Variants in MGMT observed in about 807,000 individuals in gnomAD.
The protein encoded by MGMT is O-6-methylguanine-DNA methyltransferase, also known as methylated-DNA--protein-cysteine methyltransferase.
Under a neutral mutation model 15.9 loss-of-function variants are expected in MGMT, and 14 were observed. That is an observed-to-expected ratio of 0.88 (90% CI 0.58 to 1.37). MGMT has a LOEUF of 1.37. Among genes scored for constraint, MGMT ranks in the 40% most tolerant of loss-of-function variants. The pLI, the probability that MGMT is intolerant of heterozygous loss-of-function variation, is 0.00. For missense variants in MGMT, 282 were observed against 268.1 expected (o/e 1.05, Z -0.36); for synonymous variants, 130 against 118.2 (o/e 1.10, Z -0.65).
chr10:129,609,930 G>A (rs2133067663), intron 2 of MGMT, among the ~76,000 whole-genome samples: 1 of 152,258 alleles, frequency 6.6e-6, no homozygotes, highest in East Asian at 1.9e-4. Context: ...GGGTGGAAGT[G>A]CAGAAGCATC....
In MGMT at chr10:129,546,836, C is replaced by T. The variant is rs181593042; in HGVS notation, c.125+10459C>T. Among the ~76,000 whole-genome samples, 26 of 152,296 alleles carry T rather than the reference C, an allele frequency of 1.7e-4. No homozygotes were observed. In the East Asian group the frequency reaches 2.7e-3, roughly 16 times the overall value. On this transcript the variant is annotated intron_variant, in intron 2 of 4. Coordinates refer to ENST00000651593, the MANE Select transcript of MGMT (RefSeq NM_002412.5). ...ATGCTGTGTTTGATTAGTTTGACTTCGGGATGCCAGCTAAATGCTGTTTGC... is the reference window on the plus strand; with the variant it reads ...ATGCTGTGTTTGATTAGTTTGACTTTGGGATGCCAGCTAAATGCTGTTTGC...
intron 1 of MGMT, among the ~76,000 whole-genome samples, chr10:129,485,067 T>G (rs1307101391): frequency 3.9e-5 from 6 of 152,158 alleles, no homozygotes; most frequent in Non-Finnish European, 4.4e-5. Flanking sequence ...CTTTCCACAC[T>G]GGCTGGTGAG....
chr10:129,641,326 T>C (rs1847326021), intron 2 of MGMT, among the ~76,000 whole-genome samples: 1 of 152,214 alleles, frequency 6.6e-6, no homozygotes, highest in Admixed American at 6.5e-5. Context: ...AATGGAGAGA[T>C]ATACTGTGTT....
chr10:129,619,491 G>A (rs950500273), intron 2 of MGMT, among the ~76,000 whole-genome samples: 4 of 152,102 alleles, frequency 2.6e-5, no homozygotes, highest in Non-Finnish European at 5.9e-5. Flanking sequence ...CTTTATTATC[G>A]GGGTAATGCT....
At chr10:129,650,371 A>G (rs1324914495) in intron 2 of MGMT, among the ~76,000 whole-genome samples, 1 of 152,194 alleles carries the variant, frequency 6.6e-6, no homozygotes, top group Non-Finnish European at 1.5e-5. Context: ...GGACGCGAGC[A>G]CATGTGCAGG....
rs1371044059 is a variant in MGMT at position 129,566,599 on chromosome 10, G to A, written c.125+30222G>A. Among the ~76,000 whole-genome samples, 8 of 152,070 alleles carry A rather than the reference G, an allele frequency of 5.3e-5. No homozygotes were observed. The highest frequency in any genetic ancestry group is 1.2e-4 in the African/African-American group (5 of 41,404). On this transcript the variant is annotated intron_variant, in intron 2 of 4. Coordinates refer to ENST00000651593, the MANE Select transcript of MGMT (RefSeq NM_002412.5). This position sits in a 1 kb window ranked among gnomAD's most constrained non-coding sequence, Gnocchi z 4.1. ...TGCACTGAGGACCACAGCAGCCCTC[G>A]CATTCCTACACATACCCCTTTGCCC...
At chr10:129,764,737 C>T (rs1046975259) in intron 4 of MGMT, among the ~76,000 whole-genome samples, 1 of 152,206 alleles carries the variant, frequency 6.6e-6, no homozygotes, top group African/African-American at 2.4e-5. Context: ...GAGTGATACC[C>T]GGAGGTAGCC....
intron 2 of MGMT, among the ~76,000 whole-genome samples, chr10:129,569,463 C>T (rs1049444288): frequency 1.3e-5 from 2 of 152,216 alleles, no homozygotes; most frequent in Non-Finnish European, 2.9e-5. Flanking sequence ...AGAGACTGGT[C>T]TTCCAGAGGA....
In MGMT at chr10:129,481,314, A is replaced by T. The variant is rs559204338; in HGVS notation, c.-13+14018A>T. Among the ~76,000 whole-genome samples, 5 of 152,222 alleles carry T rather than the reference A, an allele frequency of 3.3e-5. No homozygotes were observed. The East Asian group carries it at 9.7e-4, about 29-fold the overall frequency. On this transcript the variant is annotated intron_variant, in intron 1 of 4. Coordinates refer to ENST00000651593, the MANE Select transcript of MGMT (RefSeq NM_002412.5). ...ATTTTGTGTTCCTGGATAAATGCCCACCTGGACTTGGTGAATTACTGTTTT... is the reference window on the plus strand; with the variant it reads ...ATTTTGTGTTCCTGGATAAATGCCCTCCTGGACTTGGTGAATTACTGTTTT...
chr10:129,619,342 T>G (rs1847064588), intron 2 of MGMT, among the ~76,000 whole-genome samples: 1 of 152,184 alleles, frequency 6.6e-6, no homozygotes, highest in African/African-American at 2.4e-5. Context: ...CATCTCTCTG[T>G]ATATATATGT....
chr10:129,613,619 A>G lies in MGMT; in HGVS notation c.125+77242A>G, dbSNP rs553281811. Among the ~76,000 whole-genome samples the G allele has an allele frequency of 1.2e-4, 18 of 152,344 alleles. No homozygotes were observed. The South Asian group carries it at 3.5e-3, about 30-fold the overall frequency. ...TCTATCTGGTCTGTTTTTTAACGCA[A>G]CTTGATAAAATACCAGTGTTTTAAT... is the stretch of plus-strand genomic sequence containing the variant. On this transcript the variant is annotated intron_variant, in intron 2 of 4. Transcript: ENST00000651593.
intron 2 of MGMT, among the ~76,000 whole-genome samples, chr10:129,641,491 A>G (rs1847327403): frequency 6.6e-6 from 1 of 152,198 alleles, no homozygotes; most frequent in Non-Finnish European, 1.5e-5. Flanking sequence ...TATTTTTGAC[A>G]ACCCATCACT....
intron 3 of MGMT, among the ~76,000 whole-genome samples, chr10:129,725,807 G>A (rs899324393): frequency 2.0e-5 from 3 of 152,192 alleles, no homozygotes; most frequent in South Asian, 2.1e-4. Flanking sequence ...CAGAGGAGTC[G>A]GCTCCACGGT....
intron 2 of MGMT, among the ~76,000 whole-genome samples, chr10:129,633,261 G>A (rs143392802): frequency 1.3e-5 from 2 of 152,300 alleles, no homozygotes; most frequent in Non-Finnish European, 2.9e-5. Context: ...AACCAACCTA[G>A]ACGTCCAACA....
At chr10:129,516,619 C>G (rs1845741054) in intron 1 of MGMT, among the ~76,000 whole-genome samples, 1 of 152,202 alleles carries the variant, frequency 6.6e-6, no homozygotes, top group African/African-American at 2.4e-5. Context: ...CAATGGAAAT[C>G]TACTTCAAAC....
chr10:129,530,846 C>A (rs1400192036), intron 1 of MGMT, among the ~76,000 whole-genome samples: 5 of 152,224 alleles, frequency 3.3e-5, no homozygotes, highest in African/African-American at 1.2e-4. Context: ...CTGCGTGGCT[C>A]CTCGCCCGGG....
chr10:129,656,784 G>T (rs1847529030), intron 2 of MGMT, among the ~76,000 whole-genome samples: 2 of 152,084 alleles, frequency 1.3e-5, no homozygotes, highest in Non-Finnish European at 2.9e-5. Context: ...TTCTCTCTGT[G>T]AGCAGAGGGA....
intron 1 of MGMT, among the ~76,000 whole-genome samples, chr10:129,472,481 C>T (rs1452607837): frequency 1.3e-5 from 2 of 152,136 alleles, no homozygotes; most frequent in African/African-American, 4.8e-5. Flanking sequence ...CGTTTTCCCC[C>T]CAGTCCAATC....
intron 4 of MGMT, among the ~76,000 whole-genome samples, chr10:129,765,339 T>C (rs1848921295): frequency 6.6e-6 from 1 of 152,168 alleles, no homozygotes; most frequent in African/African-American, 2.4e-5. Flanking sequence ...TAACTGCTTG[T>C]TGGGAAGCTT....
Sources: gnomAD v4.1 joint callset for allele counts (sites outside exome capture counted in the v4.1 genomes callset) on GRCh38, gnomAD v4.1.1 for gene constraint, Gnocchi (gnomAD v3.1) non-coding constraint, MANE v1.5 for transcripts, NCBI Gene and HGNC (gene_info 2026-07-23, HGNC 2026-07-21) for gene names.